Variants in GRIN2B observed in about 807,000 individuals in gnomAD.
GRIN2B encodes the protein glutamate ionotropic receptor NMDA type subunit 2B.
In GRIN2B, 5 loss-of-function variants were observed where a neutral mutation model predicts 114.5. The observed-to-expected ratio is 0.04, with a 90% CI of 0.02 to 0.09. The LOEUF is 0.09. GRIN2B is among the 10% of genes least tolerant of loss of function. The pLI, the probability that GRIN2B is intolerant of heterozygous loss-of-function variation, is 1.00. For synonymous variants in GRIN2B, 787 were observed against 745.1 expected (o/e 1.06, Z -0.92); for missense variants, 1,108 against 1,943.5 (o/e 0.57, Z 8.08).
At chr12:13,882,788 T>C (rs895819023) in intron 2 of GRIN2B, among the ~76,000 whole-genome samples, 20 of 152,232 alleles carry the variant, frequency 1.3e-4, no homozygotes, top group African/African-American at 4.8e-4. Context: ...TTTGCATACA[T>C]TAAAATTCAC....
At chr12:13,568,323 G>T (rs767311303) in intron 12 of GRIN2B, among the ~76,000 whole-genome samples, 2 of 152,108 alleles carry the variant, frequency 1.3e-5, no homozygotes, top group Middle Eastern at 3.2e-3. Flanking sequence ...GGAGAAAATT[G>T]CCTATTCCCA....
Position 13,753,489 on chromosome 12 carries a change from C to T in GRIN2B, c.838G>A (p.Val280Ile), listed in dbSNP as rs374788517. ...PAEFPTGLIS[V>I]SYDEWDYGLP... ...CCATAGTCCCATTCATCATATGATA[C>T]AGAGATGAGCCCAGTGGGGAACTCC... The change falls in exon 4 of 14, where the codon GTA becomes ATA. Residue 280 changes from valine to isoleucine, a missense_variant. Coordinates refer to ENST00000609686, the MANE Select transcript of GRIN2B (RefSeq NM_000834.5). This position sits in a 1 kb window ranked among gnomAD's most constrained non-coding sequence, Gnocchi z 6.2. The T allele has an allele frequency of 1.2e-6, 2 of 1,614,138 alleles. No homozygotes were observed. Among genetic ancestry groups the T allele is most frequent in the Non-Finnish European group, 1.7e-6 (2 of 1,180,010 alleles).
chr12:13,717,075 G>A (rs1349864446), intron 4 of GRIN2B, among the ~76,000 whole-genome samples: 1 of 128,346 alleles, frequency 7.8e-6, no homozygotes, highest in African/African-American at 4.8e-5. Flanking sequence ...GCGTGTGTGT[G>A]TGTGTGTGTG....
intron 2 of GRIN2B, among the ~76,000 whole-genome samples, chr12:13,883,891 C>T (rs571729500): frequency 6.6e-6 from 1 of 151,994 alleles, no homozygotes; most frequent in African/African-American, 2.4e-5. Context: ...TCCTGTTTTC[C>T]TCTAAAAGAT....
chr12:13,811,053 A>G (rs1170382814), intron 3 of GRIN2B, among the ~76,000 whole-genome samples: 1 of 152,264 alleles, frequency 6.6e-6, no homozygotes, highest in East Asian at 1.9e-4. Flanking sequence ...AGATTCATTT[A>G]TCTGATCATT....
At chr12:13,951,131 C>T (rs219928) in intron 2 of GRIN2B, among the ~76,000 whole-genome samples, 143,847 of 152,274 alleles carry the variant, frequency 0.94, 68,145 homozygotes, top group East Asian at 1. Flanking sequence ...ATATCAAATA[C>T]TTTTAGTATA....
intron 4 of GRIN2B, among the ~76,000 whole-genome samples, chr12:13,690,117 A>T (rs906281851): frequency 6.6e-6 from 1 of 152,152 alleles, no homozygotes; most frequent in Non-Finnish European, 1.5e-5. Flanking sequence ...GTAAAAATCA[A>T]ATCTCGTCCT....
chr12:13,579,916 G>A (rs922940641), intron 10 of GRIN2B, among the ~76,000 whole-genome samples: 1 of 152,230 alleles, frequency 6.6e-6, no homozygotes, highest in African/African-American at 2.4e-5. Flanking sequence ...GGATGGATTG[G>A]CTTTGGAAGG....
intron 3 of GRIN2B, among the ~76,000 whole-genome samples, chr12:13,857,260 A>G (rs1865676803): frequency 6.6e-6 from 1 of 152,214 alleles, no homozygotes; most frequent in Non-Finnish European, 1.5e-5. Context: ...CCACAGTGAT[A>G]GTTGATATTT....
chr12:13,639,590 T>G (rs1310150681), intron 5 of GRIN2B, among the ~76,000 whole-genome samples: 2 of 152,168 alleles, frequency 1.3e-5, no homozygotes, highest in Admixed American at 1.3e-4. Flanking sequence ...CTGAAAATTC[T>G]GCAGTTCTCA....
At chr12:13,658,216 A>G (rs537821515) in intron 5 of GRIN2B, among the ~76,000 whole-genome samples, 1 of 152,126 alleles carries the variant, frequency 6.6e-6, no homozygotes, top group Admixed American at 6.5e-5. Flanking sequence ...TAAAAAAAAA[A>G]AAAGCTAAAA....
chr12:13,797,047 G>A (rs1433394976), intron 3 of GRIN2B, among the ~76,000 whole-genome samples: 1 of 152,108 alleles, frequency 6.6e-6, no homozygotes, highest in African/African-American at 2.4e-5. Context: ...TAAAAATACT[G>A]TTTTAGTCCA....
At chr12:13,896,451 G>T (rs1441610301) in intron 2 of GRIN2B, among the ~76,000 whole-genome samples, 1 of 152,182 alleles carries the variant, frequency 6.6e-6, no homozygotes, top group Non-Finnish European at 1.5e-5. Context: ...GCCAGTGAGG[G>T]CATGCAAAGC....
chr12:13,680,618 T>C (rs1401916960), intron 4 of GRIN2B, among the ~76,000 whole-genome samples: 1 of 152,096 alleles, frequency 6.6e-6, no homozygotes, highest in African/African-American at 2.4e-5. Context: ...AAATTATCCA[T>C]AGAGAACCTT....
intron 3 of GRIN2B, among the ~76,000 whole-genome samples, chr12:13,820,162 T>C (rs539310876): frequency 5.9e-5 from 9 of 152,312 alleles, no homozygotes; most frequent in Admixed American, 3.3e-4. Context: ...CTATTCTTGC[T>C]AGCTAACTCT....
At chr12:13,887,608 A>G (rs1866186892) in intron 2 of GRIN2B, among the ~76,000 whole-genome samples, 2 of 152,264 alleles carry the variant, frequency 1.3e-5, no homozygotes, top group Non-Finnish European at 2.9e-5. Flanking sequence ...TCTTAGTCAA[A>G]GTGACCTGCT....
intron 2 of GRIN2B, among the ~76,000 whole-genome samples, chr12:13,946,823 G>A (rs1233623318): frequency 6.6e-6 from 1 of 152,154 alleles, no homozygotes; most frequent in Non-Finnish European, 1.5e-5. Context: ...TATTAGGACT[G>A]TTATCTTTTA....
chr12:13,613,027 G>A (rs1418325150), intron 8 of GRIN2B, among the ~76,000 whole-genome samples: 1 of 152,152 alleles, frequency 6.6e-6, no homozygotes, highest in Non-Finnish European at 1.5e-5. Context: ...GTAAAAGCCT[G>A]GTCACTTAAT....
intron 10 of GRIN2B, among the ~76,000 whole-genome samples, chr12:13,597,354 C>T (rs1949087515): frequency 6.6e-6 from 1 of 152,172 alleles, no homozygotes; most frequent in Admixed American, 6.5e-5. Flanking sequence ...ACGCAAACTT[C>T]CTGAAGCTAA....
Sources: allele counts gnomAD v4.1 joint callset (sites outside exome capture counted in the v4.1 genomes callset), GRCh38; gene constraint gnomAD v4.1.1; non-coding constraint Gnocchi (gnomAD v3.1); transcripts MANE v1.5; gene names NCBI Gene and HGNC (gene_info 2026-07-23, HGNC 2026-07-21).